Variants in SNTG1 observed in about 807,000 individuals in gnomAD.
SNTG1 encodes gamma-1-syntrophin.
Under a neutral mutation model 74.7 loss-of-function variants are expected in SNTG1, and 39 were observed. The observed-to-expected ratio is 0.52, with a 90% CI of 0.40 to 0.68. SNTG1 has a LOEUF of 0.68. SNTG1 is among the 30% of genes least tolerant of loss of function. The pLI is 0.00. For missense variants in SNTG1, 685 were observed against 609.5 expected (o/e 1.12, Z -1.30); for synonymous variants, 254 against 217.1 (o/e 1.17, Z -1.49).
At chr8:50,001,233 T>G (rs1000768807) in intron 1 of SNTG1, among the ~76,000 whole-genome samples, 1 of 151,462 alleles carries the variant, frequency 6.6e-6, no homozygotes, top group Non-Finnish European at 1.5e-5. Flanking sequence ...CCTATCTGGG[T>G]TTTTTAATTG....
At chr8:49,939,190 CT>C (rs1808452835) in intron 1 of SNTG1, among the ~76,000 whole-genome samples, 1 of 152,152 alleles carries the variant, frequency 6.6e-6, no homozygotes, top group African/African-American at 2.4e-5. Flanking sequence ...CTCTAACATT[CT>C]GTATAAACTT....
rs1815331135 is a variant in SNTG1 at position 50,007,293 on chromosome 8, G to C, written c.-103+95062G>C. Among the ~76,000 whole-genome samples, 3 of 152,168 alleles carry C rather than the reference G, an allele frequency of 2.0e-5. 1 individual carries two copies. In the South Asian group the frequency reaches 6.2e-4, roughly 31 times the overall value. On this transcript the variant is annotated intron_variant, in intron 1 of 18. Coordinates refer to ENST00000642720, the MANE Select transcript of SNTG1 (RefSeq NM_018967.5). ...ACTTCTGGGCTGCTCCTCCAGTTCTGGCCCCTACCTGGCCTGCTTTCTCTT... is the reference window on the plus strand; with the variant it reads ...ACTTCTGGGCTGCTCCTCCAGTTCTCGCCCCTACCTGGCCTGCTTTCTCTT...
intron 1 of SNTG1, among the ~76,000 whole-genome samples, chr8:50,148,762 G>C (rs2081963040): frequency 1.3e-5 from 2 of 152,154 alleles, no homozygotes; most frequent in Non-Finnish European, 2.9e-5. Flanking sequence ...GTATTCCATG[G>C]TCTATATGTG....
rs574526939 is a variant in SNTG1, at chr8:50,442,258, T to G, written c.219+3659T>G. 5.3e-5 allele frequency among the ~76,000 whole-genome samples: 8 copies of G among 152,362 alleles called. No individual in the cohort carries two copies. In the South Asian group the frequency reaches 1.7e-3, roughly 32 times the overall value. On this transcript the variant is annotated intron_variant, in intron 5 of 18. Transcript: ENST00000642720. ...CATTCTACAGTTATTCTTTCATTGC[T>G]GTTTAGCAACTGTAGAAGGATCAAA... is the stretch of plus-strand genomic sequence containing the variant.
intron 2 of SNTG1, among the ~76,000 whole-genome samples, chr8:50,392,243 A>G (rs1259937761): frequency 6.6e-6 from 1 of 152,198 alleles, no homozygotes; most frequent in Non-Finnish European, 1.5e-5. Context: ...TTGTAGCAAA[A>G]TGATTGGATT....
chr8:50,081,029 TTATC>T (rs1822355038), intron 1 of SNTG1, among the ~76,000 whole-genome samples: 1 of 152,158 alleles, frequency 6.6e-6, no homozygotes, highest in Admixed American at 6.5e-5. Flanking sequence ...AGTGTCATGA[TTATC>T]TATGTATAAT....
intron 1 of SNTG1, among the ~76,000 whole-genome samples, chr8:50,170,027 C>A (rs986435765): frequency 1.3e-5 from 2 of 152,182 alleles, no homozygotes; most frequent in Non-Finnish European, 2.9e-5. Context: ...GAAGACTCAT[C>A]TAGCCATTGA....
At chr8:50,192,382 T>C (rs2083609269) in intron 2 of SNTG1, among the ~76,000 whole-genome samples, 1 of 152,172 alleles carries the variant, frequency 6.6e-6, no homozygotes, top group Non-Finnish European at 1.5e-5. Context: ...TGTTACACCA[T>C]CATGTAACAT....
At chr8:50,039,169 A>T (rs980092739) in intron 1 of SNTG1, among the ~76,000 whole-genome samples, 1 of 152,032 alleles carries the variant, frequency 6.6e-6, no homozygotes, top group Non-Finnish European at 1.5e-5. Context: ...TAAGAGTTCA[A>T]ATTAGGCTGG....
At chr8:50,351,225 G>A (rs1263241557) in intron 2 of SNTG1, among the ~76,000 whole-genome samples, 1 of 152,184 alleles carries the variant, frequency 6.6e-6, no homozygotes, top group African/African-American at 2.4e-5. Flanking sequence ...TTAGGGTGTT[G>A]GAGTTTCTTC....
intron 1 of SNTG1, among the ~76,000 whole-genome samples, chr8:50,135,561 T>C: frequency 6.6e-6 from 1 of 152,246 alleles, no homozygotes; most frequent in South Asian, 2.1e-4. Flanking sequence ...TATCAGCTTG[T>C]GGATACATGA....
intron 13 of SNTG1, among the ~76,000 whole-genome samples, chr8:50,611,056 C>G (rs1167096042): frequency 6.6e-6 from 1 of 151,592 alleles, no homozygotes; most frequent in Non-Finnish European, 1.5e-5. Flanking sequence ...TTTTGAGAAA[C>G]TAAAAAGATT....
intron 8 of SNTG1, among the ~76,000 whole-genome samples, chr8:50,479,318 T>A (rs1207418083): frequency 6.6e-6 from 1 of 152,176 alleles, no homozygotes; most frequent in Non-Finnish European, 1.5e-5. Flanking sequence ...CTTGTAATTA[T>A]CCAGCTTTCT....
chr8:50,045,914 G>C (rs1346367183), intron 1 of SNTG1, among the ~76,000 whole-genome samples: 1 of 152,140 alleles, frequency 6.6e-6, no homozygotes, highest in Non-Finnish European at 1.5e-5. Context: ...TCCTAGCTGT[G>C]TGAAGAAGCT....
At chr8:50,271,125 C>T (rs559516501) in intron 2 of SNTG1, among the ~76,000 whole-genome samples, 141 of 152,218 alleles carry the variant, frequency 9.3e-4, no homozygotes, top group African/African-American at 3.3e-3. Context: ...AACAACATCC[C>T]TGGCAAACGT....
intron 1 of SNTG1, among the ~76,000 whole-genome samples, chr8:50,145,568 G>C (rs2081830729): frequency 6.6e-6 from 1 of 152,126 alleles, no homozygotes; most frequent in South Asian, 2.1e-4. Context: ...GATGAAGCCT[G>C]ACTGCATTTA....
chr8:50,726,396 T>A (rs2095500133), intron 17 of SNTG1, among the ~76,000 whole-genome samples: 1 of 152,094 alleles, frequency 6.6e-6, no homozygotes, highest in South Asian at 2.1e-4. Flanking sequence ...AAACGAGACA[T>A]GAACTGGCCG....
chr8:50,322,074 T>A (rs934034174), intron 2 of SNTG1, among the ~76,000 whole-genome samples: 2 of 151,614 alleles, frequency 1.3e-5, no homozygotes, highest in Non-Finnish European at 2.9e-5. Context: ...CTTATTAACA[T>A]CTTTTTTTTC....
At chr8:50,482,805 C>T (rs1488885196) in intron 8 of SNTG1, among the ~76,000 whole-genome samples, 1 of 152,172 alleles carries the variant, frequency 6.6e-6, no homozygotes, top group African/African-American at 2.4e-5. Context: ...ATGTGTACTC[C>T]TTACCTGGAG....
Sources: allele counts gnomAD v4.1 joint callset (sites outside exome capture counted in the v4.1 genomes callset), GRCh38; gene constraint gnomAD v4.1.1; transcripts MANE v1.5; gene names NCBI Gene and HGNC (gene_info 2026-07-23, HGNC 2026-07-21).